NKTR: variants seen among roughly 807,000 people sequenced by gnomAD.
NKTR encodes the protein natural killer cell triggering receptor, also known as NK-tumor recognition protein.
Under a neutral mutation model 156.3 loss-of-function variants are expected in NKTR, and 67 were observed. The ratio of observed to expected loss-of-function variants is 0.43; its 90% CI spans 0.35 to 0.53. NKTR has a LOEUF of 0.53. NKTR is among the 20% of genes least tolerant of loss of function. NKTR has a pLI of 0.01. For synonymous variants in NKTR, 640 were observed against 596.6 expected (o/e 1.07, Z -1.06); for missense variants, 1,604 against 1,730.9 (o/e 0.93, Z 1.30).
At chr3:42,602,867 A>G (rs1705687467) in intron 2 of NKTR, 1 of 151,536 alleles carries the variant, frequency 6.6e-6, no homozygotes, top group South Asian at 2.1e-4. Flanking sequence ...AAATAAAAAA[A>G]TTAGCTGGGC....
At chr3:42,620,826 C>T (rs936870361) in intron 5 of NKTR, 3 of 984,740 alleles carry the variant, frequency 3.0e-6, no homozygotes, top group Non-Finnish European at 3.6e-6. Flanking sequence ...ACTTTTGTAC[C>T]TTAAAATTGT....
At chr3:42,603,527 C>G (rs1411992383) in intron 2 of NKTR, among the ~76,000 whole-genome samples, 1 of 152,222 alleles carries the variant, frequency 6.6e-6, no homozygotes, top group East Asian at 1.9e-4. Context: ...GAACCTCATT[C>G]CTCAACATCC....
In NKTR at chr3:42,619,650, G is replaced by A; in HGVS notation, c.242-14G>A. 1.2e-6 allele frequency: 2 copies of A among 1,604,478 alleles called. No individual in the cohort carries two copies. The highest frequency in any genetic ancestry group is 1.7e-6 in the Non-Finnish European group (2 of 1,172,616). On this transcript the variant is annotated splice_polypyrimidine_tract_variant and intron_variant, in intron 4 of 16. Transcript: ENST00000232978. ...TAATGTTCATTATGGCTTAAAGTAG[G>A]TGATTATTTGCAGGTAATGGAAAAG...
intron 7 of NKTR, chr3:42,630,863 A>C: frequency 7.3e-7 from 1 of 1,369,582 alleles, no homozygotes; most frequent in Non-Finnish European, 9.4e-7. Flanking sequence ...TAAGCAGTAC[A>C]ATATCATGTG....
At chr3:42,632,443 C>A in intron 8 of NKTR, 158 bp from the exon 9 acceptor site, 1 of 560,840 alleles carries the variant, frequency 1.8e-6, no homozygotes, top group Non-Finnish European at 3.2e-6. Flanking sequence ...TACAATCTTG[C>A]CAGTAATTTT....
Position 42,647,267 on chromosome 3 carries a change from AGTGTGTGTGTGTGTGTGTGTGTGT to A in NKTR, c.*1304_*1327del, listed in dbSNP as rs11442896. 9.7e-6 allele frequency: 1 copy of A among 102,974 alleles called. No homozygotes were observed. The highest frequency in any genetic ancestry group is 9.9e-5 in the Admixed American group (1 of 10,130). The allele number at this position is 102,974 out of a possible 1,614,324, so 6.4% of individuals were successfully genotyped here. A position where few individuals can be genotyped will look rare whatever the true frequency, so the allele number is the denominator to read the frequency against. ...AAAAATAATTGGACCTGTAAAAACT[AGTGTGTGTGTGTGTGTGTGTGTGT>A]GTGTGTGTGTGGTTTTTTTTTTTAA... On this transcript the variant is annotated 3_prime_UTR_variant, in exon 17 of 17. Coordinates refer to ENST00000232978, the MANE Select transcript of NKTR (RefSeq NM_005385.4).
chr3:42,626,918 G>A (rs1032430620), intron 6 of NKTR, among the ~76,000 whole-genome samples: 1 of 152,080 alleles, frequency 6.6e-6, no homozygotes, highest in African/African-American at 2.4e-5. Flanking sequence ...GAAAGGAAAT[G>A]TAATATGTTA....
rs755666567 is a variant in NKTR, at chr3:42,635,369, A to G, written c.1163+3A>G. The G allele has an allele frequency of 1.4e-5, 22 of 1,605,134 alleles. No individual in the cohort carries two copies. Among genetic ancestry groups the G allele is most frequent in the East Asian group, 2.2e-5 (1 of 44,614 alleles). ...GAAAAATGGAGTAAAGGAGATAAGT[A>G]AGAACTTTGAGTATAAGCACAATCC... is the stretch of plus-strand genomic sequence containing the variant. On this transcript the variant is annotated splice_donor_region_variant and intron_variant, in intron 12 of 16. Coordinates refer to ENST00000232978, the MANE Select transcript of NKTR (RefSeq NM_005385.4).
intron 2 of NKTR, among the ~76,000 whole-genome samples, chr3:42,605,029 A>G (rs1706094390): frequency 6.6e-6 from 1 of 151,924 alleles, no homozygotes; most frequent in Non-Finnish European, 1.5e-5. Context: ...TGCATCATTC[A>G]TTTTGAGGCT....
At chr3:42,600,861 C>T in intron 1 of NKTR, 83 bp downstream of exon 1, 1 of 552,670 alleles carries the variant, frequency 1.8e-6, no homozygotes, top group Non-Finnish European at 2.9e-6. Context: ...TGGCCTCCTG[C>T]GCTGTCGCGA....
intron 2 of NKTR, among the ~76,000 whole-genome samples, chr3:42,612,636 A>G (rs1029696610): frequency 6.6e-6 from 1 of 152,150 alleles, no homozygotes; most frequent in Admixed American, 6.5e-5. Context: ...CTTATATCTC[A>G]GGGATATGTA....
rs543505774 is a variant in NKTR at position 42,646,812 on chromosome 3, A to C, written c.*837A>C. The C allele has an allele frequency of 2.0e-5, 3 of 152,716 alleles. No individual in the cohort carries two copies. The highest frequency in any genetic ancestry group is 4.4e-5 in the Non-Finnish European group (3 of 68,016). The allele number at this position is 152,716 out of a possible 1,614,324, so 9.5% of individuals were successfully genotyped here. A position where few individuals can be genotyped will look rare whatever the true frequency, so the allele number is the denominator to read the frequency against. ...ATAAAAATGAAATTCAGACAAAATCACTGGCACCAAAAATGGTTTATTCTG... is the reference window on the plus strand; with the variant it reads ...ATAAAAATGAAATTCAGACAAAATCCCTGGCACCAAAAATGGTTTATTCTG... On this transcript the variant is annotated 3_prime_UTR_variant, in exon 17 of 17. Transcript: ENST00000232978.
At chr3:42,621,054 C>T in intron 5 of NKTR, 1 of 983,620 alleles carries the variant, frequency 1.0e-6, no homozygotes, top group Non-Finnish European at 1.2e-6. Context: ...ATGTATAGCA[C>T]ATTAGGCAAG....
intron 2 of NKTR, chr3:42,601,874 G>GC (rs1705519562): frequency 6.6e-6 from 1 of 152,190 alleles, no homozygotes; most frequent in African/African-American, 2.4e-5. Flanking sequence ...TGGAGATAGA[G>GC]CAGCGCATAA....
chr3:42,610,730 C>T (rs892939047), intron 2 of NKTR, among the ~76,000 whole-genome samples: 1 of 151,878 alleles, frequency 6.6e-6, no homozygotes, highest in African/African-American at 2.4e-5. Context: ...TGTTTTATAT[C>T]ATCTCTCCCA....
chr3:42,619,304 C>A (rs910282331), intron 4 of NKTR, 177 bp downstream of exon 4: 55 of 1,383,944 alleles, frequency 4.0e-5, no homozygotes, highest in Non-Finnish European at 4.6e-5. Context: ...CAAAGTACCA[C>A]GTAAGACATT....
intron 2 of NKTR, among the ~76,000 whole-genome samples, chr3:42,613,729 T>C (rs1327235484): frequency 6.6e-6 from 1 of 152,238 alleles, no homozygotes; most frequent in Non-Finnish European, 1.5e-5. Flanking sequence ...CACCATGACA[T>C]AGACTTTTCC....
chr3:42,624,769 T>C (rs1289991993), intron 6 of NKTR, among the ~76,000 whole-genome samples: 3 of 152,168 alleles, frequency 2.0e-5, no homozygotes, highest in Admixed American at 2.0e-4. Context: ...AACATTTTGC[T>C]GGAAAACAAA....
At position 42,610,977 on chromosome 3, in the gene NKTR, G is replaced by A. The variant is rs1193432639; in HGVS notation, c.59-6593G>A. 2.6e-5 allele frequency: 4 copies of A among 151,820 alleles called. No homozygotes were observed. In the South Asian group the frequency reaches 8.4e-4, roughly 32 times the overall value. 9.4% of individuals were successfully genotyped at this position (151,820 alleles called of 1,614,324 possible). A position where few individuals can be genotyped will look rare whatever the true frequency, so the allele number is the denominator to read the frequency against. On this transcript the variant is annotated intron_variant, in intron 2 of 16. Transcript: ENST00000232978. ...TTATAATTCTTTTTTCTAAATTTTGGTATTCTTCCTTTTATCTTCCTAAGT... is the reference window on the plus strand; with the variant it reads ...TTATAATTCTTTTTTCTAAATTTTGATATTCTTCCTTTTATCTTCCTAAGT...
Sources: gnomAD v4.1 joint callset for allele counts (sites outside exome capture counted in the v4.1 genomes callset) on GRCh38, gnomAD v4.1.1 for gene constraint, MANE v1.5 for transcripts, NCBI Gene and HGNC (gene_info 2026-07-23, HGNC 2026-07-21) for gene names.